Variants in ZNF780B observed in about 807,000 individuals in gnomAD.
ZNF780B encodes the protein zinc finger protein 779.
A neutral mutation model predicts 74.1 loss-of-function variants in ZNF780B; 52 were observed. That is an observed-to-expected ratio of 0.70 (90% confidence interval 0.56 to 0.88). The LOEUF is 0.88. Among genes scored for constraint, ZNF780B ranks in the 40% least tolerant of loss-of-function variants. The probability of loss-of-function intolerance (pLI) is 0.00; values close to 1 mark genes in which losing one functional copy is unlikely to be tolerated. For missense variants in ZNF780B, 953 were observed against 1,007.6 expected (o/e 0.95, Z 0.73); for synonymous variants, 315 against 324.3 (o/e 0.97, Z 0.31).
chr19:40,053,741 G>A (rs2144853560), intron 1 of ZNF780B, among the ~76,000 whole-genome samples: 1 of 152,264 alleles, frequency 6.6e-6, no homozygotes, highest in South Asian at 2.1e-4. Context: ...CATAAAAAAA[G>A]GGAAATGCTG....
intron 4 of ZNF780B, among the ~76,000 whole-genome samples, chr19:40,046,819 C>T (rs1287132365): frequency 6.6e-6 from 1 of 152,212 alleles, no homozygotes; most frequent in Non-Finnish European, 1.5e-5. Flanking sequence ...AAGCATATGC[C>T]TTCTAGGAAT....
At chr19:40,040,992 G>A (rs1249408376) in intron 4 of ZNF780B, among the ~76,000 whole-genome samples, 1 of 151,984 alleles carries the variant, frequency 6.6e-6, no homozygotes, top group Non-Finnish European at 1.5e-5. Context: ...AGTTAATTGT[G>A]ATGTTAGGGT....
chr19:40,052,250 GGT>G (rs1294055134), intron 1 of ZNF780B, among the ~76,000 whole-genome samples: 42 of 152,010 alleles, frequency 2.8e-4, no homozygotes, highest in African/African-American at 9.9e-4. Flanking sequence ...TCCTGTGCAC[GGT>G]ACAATGTTCA....
In ZNF780B at chr19:40,034,778, G is replaced by A. The variant is rs764554624; in HGVS notation, c.2081C>T (p.Ala694Val). Residue 694 changes from alanine to valine, a missense_variant, in exon 5 of 5, where the codon GCG (alanine) becomes GTG (valine). Transcript: ENST00000434248. ...LIQHQKTHSS[A>V]KPFVCKECRK... ...ACACTCCTTACATACAAAGGGTTTC[G>A]CACTGGAATGAGTTTTCTGATGCTG... 3.3e-5 allele frequency: 53 copies of A among 1,612,502 alleles called. No individual in the cohort carries two copies. The highest frequency in any genetic ancestry group is 1.7e-4 in the African/African-American group (13 of 74,460).
chr19:40,034,890 C>G lies in ZNF780B; in HGVS notation c.1969G>C (p.Val657Leu). Residue 657 changes from valine (V) to leucine (L), a missense_variant, in exon 5 of 5, where the codon GTT becomes CTT. Coordinates refer to ENST00000434248, the MANE Select transcript of ZNF780B (RefSeq NM_001005851.3). ...CCAGCATGAATACTCTGATGTTGAA[C>G]AAGGTTTGAGACACGATTAAAGGAC... is the stretch of plus-strand genomic sequence containing the variant. ...GKSFNRVSNL[V>L]QHQSIHAGVK... The G allele has an allele frequency of 6.2e-7, 1 of 1,613,602 alleles. No homozygotes were observed. The highest frequency in any genetic ancestry group is 1.7e-5 in the Admixed American group (1 of 59,970).
In ZNF780B at chr19:40,035,478, T is replaced by C; in HGVS notation, c.1381A>G (p.Ile461Val). 6.2e-7 allele frequency: 1 copy of C among 1,614,172 alleles called. No individual in the cohort carries two copies. The highest frequency in any genetic ancestry group is 1.1e-5 in the South Asian group (1 of 91,082). Reference protein sequence around the residue: ...EMAFRYHYQLIQHCQIHTGGK... With the variant: ...EMAFRYHYQLVQHCQIHTGGK... ...CCAGTATGAATTTGGCAATGTTGAA[T>C]AAGTTGGTAATGATATCGAAAGGCC... Residue 461 changes from isoleucine to valine, a missense_variant, in exon 5 of 5, where the codon ATT becomes GTT. Coordinates refer to ENST00000434248, the MANE Select transcript of ZNF780B (RefSeq NM_001005851.3).
At chr19:40,045,373 G>C (rs1364084124) in intron 4 of ZNF780B, among the ~76,000 whole-genome samples, 1 of 152,124 alleles carries the variant, frequency 6.6e-6, no homozygotes, top group Non-Finnish European at 1.5e-5. Flanking sequence ...CTGTTGGTGG[G>C]ATATAAATTA....
chr19:40,051,233 CAT>C lies in ZNF780B; in HGVS notation c.-45-858_-45-857del, dbSNP rs201454605. On this transcript the variant is annotated intron_variant, in intron 1 of 4. Transcript: ENST00000434248. Reference sequence around the variant, plus strand: ...ATATTCACACACACACACACACACACATATATACACACATATACACATGTGTA... The same window carrying C: ...ATATTCACACACACACACACACACACATATACACACATATACACATGTGTA... 8.5e-3 allele frequency among the ~76,000 whole-genome samples: 1,141 copies of C among 134,990 alleles called. 20 individuals carry two copies. Among genetic ancestry groups the C allele is most frequent in the South Asian group, 0.053 (251 of 4,738 alleles). 88.6% of individuals were successfully genotyped at this position (134,990 alleles called of 152,430 possible). A position where few individuals can be genotyped will look rare whatever the true frequency, so the allele number is the denominator to read the frequency against.
chr19:40,034,495 C>T lies in ZNF780B; in HGVS notation c.2364G>A (p.Lys788=). ...AAAGTTGTAGGTGAAGTCTAAAAGC[C>T]TTCCCACACTCCTTACATTCATAGG... ...EKPYECKECG[K]AFRLHLQLSL... Residue 788 remains lysine, a synonymous_variant, in exon 5 of 5, where the codon AAG becomes AAA. Coordinates refer to ENST00000434248, the MANE Select transcript of ZNF780B (RefSeq NM_001005851.3). 6.2e-7 allele frequency: 1 copy of T among 1,613,674 alleles called. No individual in the cohort carries two copies. The highest frequency in any genetic ancestry group is 8.5e-7 in the Non-Finnish European group (1 of 1,179,860).
chr19:40,046,700 T>C (rs1972946828), intron 4 of ZNF780B, among the ~76,000 whole-genome samples: 1 of 152,258 alleles, frequency 6.6e-6, no homozygotes, highest in Non-Finnish European at 1.5e-5. Flanking sequence ...TATCTATTCA[T>C]TTGCTTACTT....
rs1234040678 is a variant in ZNF780B at position 40,028,486 on chromosome 19, T to C, written c.*5871A>G. The C allele has an allele frequency of 2.0e-5, 3 of 152,196 alleles. No individual in the cohort carries two copies. Among genetic ancestry groups the C allele is most frequent in the South Asian group, 4.1e-4 (2 of 4,828 alleles). 9.4% of individuals were successfully genotyped at this position (152,196 alleles called of 1,614,324 possible). A position where few individuals can be genotyped will look rare whatever the true frequency, so the allele number is the denominator to read the frequency against. On this transcript the variant is annotated 3_prime_UTR_variant, in exon 5 of 5. Transcript: ENST00000434248. ...GGTGTGGGATAAGTACATGACAACA[T>C]GCATGGGATAGACACTCTGTTCTCT...
Position 40,036,496 on chromosome 19 carries a change from G to A in ZNF780B, c.363C>T (p.Asp121=), listed in dbSNP as rs1400909235. Residue 121 remains aspartate, a synonymous_variant, in exon 5 of 5, where the codon GAC becomes GAT. Coordinates refer to ENST00000434248, the MANE Select transcript of ZNF780B (RefSeq NM_001005851.3). ...CCTCAAATCTACTTCTATATTCTGA[G>A]TCATTTCTAAAATAAAAGGCCTCGA... is the stretch of plus-strand genomic sequence containing the variant. The part of the protein sequence containing the change: ...LGLEAFYFRN[D]SEYRSRFEGR... The A allele has an allele frequency of 5.0e-6, 8 of 1,610,010 alleles. No individual in the cohort carries two copies. Among genetic ancestry groups the A allele is most frequent in the Non-Finnish European group, 6.8e-6 (8 of 1,178,680 alleles).
At chr19:40,050,301 A>C (rs1398540611) in intron 2 of ZNF780B, 23 bp downstream of exon 2, 1 of 1,596,888 alleles carries the variant, frequency 6.3e-7, no homozygotes. Context: ...CCATATTTCA[A>C]GAAGACAGAA....
Position 40,030,222 on chromosome 19 carries a change from C to T in ZNF780B, c.*4135G>A. 1 of 153,274 alleles carries T rather than the reference C, an allele frequency of 6.5e-6. No individual in the cohort carries two copies. The highest frequency in any genetic ancestry group is 1.5e-5 in the Non-Finnish European group (1 of 68,856). The allele number at this position is 153,274 out of a possible 1,614,324, so 9.5% of individuals were successfully genotyped here. A position where few individuals can be genotyped will look rare whatever the true frequency, so the allele number is the denominator to read the frequency against. On this transcript the variant is annotated 3_prime_UTR_variant, in exon 5 of 5. Coordinates refer to ENST00000434248, the MANE Select transcript of ZNF780B (RefSeq NM_001005851.3). ...GTGCAACATCTGCTTCTGGTAAGGG[C>T]CTCAGGCTGCTTCCACTCATGGCAG...
Position 40,036,168 on chromosome 19 carries a change from T to C in ZNF780B, c.691A>G (p.Asn231Asp), listed in dbSNP as rs1172679495. The C allele has an allele frequency of 4.3e-6, 7 of 1,613,988 alleles. No homozygotes were observed. The highest frequency in any genetic ancestry group is 5.9e-6 in the Non-Finnish European group (7 of 1,179,966). ...TGGCGATTAAGCTGGGTGGGAAGAT[T>C]AAAGGCTTTTCCACATTCCTTACAT... is the stretch of plus-strand genomic sequence containing the variant. Reference protein sequence around the residue: ...FECKECGKAFNLPTQLNRHKN... With the variant: ...FECKECGKAFDLPTQLNRHKN... Residue 231 changes from asparagine to aspartate, a missense_variant, in exon 5 of 5, where the codon AAT becomes GAT. By Grantham distance (23) the Asn-to-Asp change is conservative (BLOSUM62 1). Coordinates refer to ENST00000434248, the MANE Select transcript of ZNF780B (RefSeq NM_001005851.3).
chr19:40,035,508 C>T lies in ZNF780B; in HGVS notation c.1351G>A (p.Glu451Lys), dbSNP rs1333651571. 6.2e-6 allele frequency: 10 copies of T among 1,613,926 alleles called. No individual in the cohort carries two copies. The Admixed American group carries it at 1.7e-4, about 27-fold the overall frequency. The change falls in exon 5 of 5, where the codon GAG (glutamate) becomes AAG (lysine). Residue 451 changes from glutamate (E) to lysine (K), a missense_variant. Glu to Lys is a moderately conservative substitution (Grantham distance 56). Coordinates refer to ENST00000434248, the MANE Select transcript of ZNF780B (RefSeq NM_001005851.3). ...TGGTAATGATATCGAAAGGCCATCT[C>T]ACATTCCCTACATACAAAGGGTTTC... ...NEKPFVCREC[E>K]MAFRYHYQLI...
intron 4 of ZNF780B, among the ~76,000 whole-genome samples, chr19:40,046,778 T>TTACC (rs1386214790): frequency 1.3e-5 from 2 of 152,258 alleles, no homozygotes; most frequent in African/African-American, 4.8e-5. Context: ...GTCTTGTTCA[T>TTACC]TACCTGTACA....
intron 1 of ZNF780B, among the ~76,000 whole-genome samples, chr19:40,050,972 T>A (rs1192032228): frequency 6.6e-6 from 1 of 152,220 alleles, no homozygotes; most frequent in Non-Finnish European, 1.5e-5. Context: ...TCCAGACATA[T>A]GATTAACAGA....
At chr19:40,051,912 T>C (rs1422763182) in intron 1 of ZNF780B, among the ~76,000 whole-genome samples, 1 of 151,094 alleles carries the variant, frequency 6.6e-6, no homozygotes, top group Non-Finnish European at 1.5e-5. Context: ...ACAAAAACCC[T>C]ATCTTAGTAT....
Sources: gnomAD v4.1 joint callset for allele counts (sites outside exome capture counted in the v4.1 genomes callset) on GRCh38, gnomAD v4.1.1 for gene constraint, MANE v1.5 for transcripts, NCBI Gene and HGNC (gene_info 2026-07-23, HGNC 2026-07-21) for gene names.